The following ANKRD52 variants were observed in gnomAD, a reference collection of about 807,000 sequenced individuals.
ANKRD52 encodes serine/threonine-protein phosphatase 6 regulatory ankyrin repeat subunit C.
In ANKRD52, 7 loss-of-function variants were observed where a neutral mutation model predicts 116.0. That is an observed-to-expected ratio of 0.06 (90% CI 0.03 to 0.11). The LOEUF is 0.11. ANKRD52 is among the 10% of genes least tolerant of loss of function. The pLI, the probability that ANKRD52 is intolerant of heterozygous loss-of-function variation, is 1.00. For missense variants in ANKRD52, 839 were observed against 1,408.6 expected (o/e 0.60, Z 6.47); for synonymous variants, 528 against 578.1 (o/e 0.91, Z 1.24).
In ANKRD52 at chr12:56,255,731, G is replaced by A; in HGVS notation, c.462+53C>T. 6.7e-7 allele frequency: 1 copy of A among 1,496,958 alleles called. No homozygotes were observed. Among genetic ancestry groups the A allele is most frequent in the South Asian group, 1.2e-5 (1 of 82,226 alleles). 92.7% of individuals were successfully genotyped at this position (1,496,958 alleles called of 1,614,324 possible). ...CCCAGAAGCAGGGAAACGTGAGTAG[G>A]AAGGTAAGAAAAGGGAAAGCCCCAG... is the stretch of plus-strand genomic sequence containing the variant. On this transcript the variant is annotated intron_variant, in intron 5 of 27. Coordinates refer to ENST00000267116, the MANE Select transcript of ANKRD52 (RefSeq NM_173595.4). This position sits in a 1 kb window ranked among gnomAD's most constrained non-coding sequence, Gnocchi z 4.3.
At chr12:56,250,272 A>AG (rs1222444048) in intron 15 of ANKRD52, among the ~76,000 whole-genome samples, 1 of 151,618 alleles carries the variant, frequency 6.6e-6, no homozygotes, top group Non-Finnish European at 1.5e-5. Context: ...ATTATGTGTT[A>AG]GCCAGGCTGG....
Position 56,258,358 on chromosome 12 carries a change from C to A in ANKRD52, c.-89G>T, listed in dbSNP as rs892194008. The A allele has an allele frequency of 7.5e-5, 101 of 1,352,538 alleles. 2 individuals are homozygous for A. The South Asian group carries it at 1.1e-3, about 15-fold the overall frequency. The allele number at this position is 1,352,538 out of a possible 1,614,324, so 83.8% of individuals were successfully genotyped here. A position where few individuals can be genotyped will look rare whatever the true frequency, so the allele number is the denominator to read the frequency against. On this transcript the variant is annotated 5_prime_UTR_variant, in exon 1 of 28. Transcript: ENST00000267116. ...CACGGAGCGGCCCAGGCGGCGGCTGCGGTGGCGGCTGCAGGGAGAGCGCGG... is the reference window on the plus strand; with the variant it reads ...CACGGAGCGGCCCAGGCGGCGGCTGAGGTGGCGGCTGCAGGGAGAGCGCGG...
rs1181857966 is a variant in ANKRD52 at position 56,243,549 on chromosome 12, GC to G, written c.2981-158del. On this transcript the variant is annotated intron_variant, in intron 27 of 27. Coordinates refer to ENST00000267116, the MANE Select transcript of ANKRD52 (RefSeq NM_173595.4). This position sits in a 1 kb window ranked among gnomAD's most constrained non-coding sequence, Gnocchi z 4.6. ...GACGAGGGCCCAGGAAGGCTGACAG[GC>G]AGATTCTCTAAGTACGGGTTAAAGG... is the stretch of plus-strand genomic sequence containing the variant. Among the ~76,000 whole-genome samples, 5 of 152,186 alleles carry G rather than the reference GC, an allele frequency of 3.3e-5. No homozygotes were observed. The highest frequency in any genetic ancestry group is 2.9e-5 in the Non-Finnish European group (2 of 68,014).
At position 56,247,614 on chromosome 12, in the gene ANKRD52, C is replaced by G. The variant is rs770548621; in HGVS notation, c.2067-4G>C. 1 of 1,590,042 alleles carries G rather than the reference C, an allele frequency of 6.3e-7. No individual in the cohort carries two copies. The highest frequency in any genetic ancestry group is 2.3e-5 in the East Asian group (1 of 43,984). ...GATGGCCAGCATCAGTGGGGTCCTA[C>G]AGAAGGGCAGGAGGAGGAGTGAGGA... On this transcript the variant is annotated splice_region_variant and splice_polypyrimidine_tract_variant and intron_variant, in intron 19 of 27. Coordinates refer to ENST00000267116, the MANE Select transcript of ANKRD52 (RefSeq NM_173595.4).
In ANKRD52 at chr12:56,242,896, G is replaced by C; in HGVS notation, c.*246C>G. 1 of 500,184 alleles carries C rather than the reference G, an allele frequency of 2.0e-6. No homozygotes were observed. The highest frequency in any genetic ancestry group is 3.5e-6 in the Non-Finnish European group (1 of 285,436). 31.0% of individuals were successfully genotyped at this position (500,184 alleles called of 1,614,324 possible). ...AGCCAGGCATTTAGCAATCATTTTG[G>C]GACACTTGGCAGAAGGGGTCGCCCT... is the stretch of plus-strand genomic sequence containing the variant. On this transcript the variant is annotated 3_prime_UTR_variant, in exon 28 of 28. Coordinates refer to ENST00000267116, the MANE Select transcript of ANKRD52 (RefSeq NM_173595.4). The surrounding 1 kb of genome is among the most constrained non-coding windows in gnomAD (Gnocchi z 4.3).
rs1872024444 is a variant in ANKRD52, at chr12:56,257,698, C to T, written c.111+130G>A. The T allele has an allele frequency of 5.6e-6, 5 of 896,880 alleles. No homozygotes were observed. In the Admixed American group the frequency reaches 9.0e-5, roughly 16 times the overall value. The allele number at this position is 896,880 out of a possible 1,614,324, so 55.6% of individuals were successfully genotyped here. On this transcript the variant is annotated intron_variant, in intron 2 of 27. Transcript: ENST00000267116. ...CATCCCCAAATGCAGAGTAGGCTTTCACTCCAGGATGGAAAGAACTGCGGC... is the reference window on the plus strand; with the variant it reads ...CATCCCCAAATGCAGAGTAGGCTTTTACTCCAGGATGGAAAGAACTGCGGC...
At chr12:56,257,968 G>A in intron 1 of ANKRD52, 57 bp from the exon 2 acceptor site, 1 of 1,491,222 alleles carries the variant, frequency 6.7e-7, no homozygotes, top group Admixed American at 1.8e-5. Context: ...AACCGGTGTG[G>A]GGGTGGGGGT....
chr12:56,254,209 G>C lies in ANKRD52; in HGVS notation c.764C>G (p.Ala255Gly), dbSNP rs1424205361. 6.2e-7 allele frequency: 1 copy of C among 1,613,820 alleles called. No homozygotes were observed. The highest frequency in any genetic ancestry group is 1.7e-5 in the Admixed American group (1 of 59,988). ...GGCTCCGGCATTCACCAGCTCAATA[G>C]CCACAGCATCCTGGCCCAGGTAGCA... ...IACYLGQDAVAIELVNAGANV... is the reference protein window; with the variant it reads ...IACYLGQDAVGIELVNAGANV... Residue 255 changes from alanine to glycine, a missense_variant, in exon 8 of 28, where the codon GCT becomes GGT. Physicochemically the swap from Ala to Gly is moderately conservative, Grantham distance 60. This residue lies in a region of ANKRD52 where 287 missense variants were observed against 598.1 expected (regional missense o/e 0.48). Coordinates refer to ENST00000267116, the MANE Select transcript of ANKRD52 (RefSeq NM_173595.4). This position sits in a 1 kb window ranked among gnomAD's most constrained non-coding sequence, Gnocchi z 4.6.
rs1871286810 is a variant in ANKRD52, at chr12:56,244,109, T to A, written c.2830A>T (p.Ile944Phe). The change falls in exon 26 of 28, where the codon ATC (isoleucine) becomes TTC (phenylalanine). Residue 944 changes from isoleucine to phenylalanine, a missense_variant. Physicochemically the swap from Ile to Phe is conservative, Grantham distance 21. Transcript: ENST00000267116. This position sits in a 1 kb window ranked among gnomAD's most constrained non-coding sequence, Gnocchi z 4.9. ...CCAAGGTCTTGGGTTTCTGCCAGGA[T>A]CATGAGGGCACATTTCTCATGGCCC... is the stretch of plus-strand genomic sequence containing the variant. Reference protein sequence around the residue: ...SKGHEKCALMILAETQDLGLI... With the variant: ...SKGHEKCALMFLAETQDLGLI... 1 of 1,613,786 alleles carries A rather than the reference T, an allele frequency of 6.2e-7. No individual in the cohort carries two copies. The highest frequency in any genetic ancestry group is 1.1e-5 in the South Asian group (1 of 91,082).
At position 56,254,207 on chromosome 12, in the gene ANKRD52, T is replaced by A; in HGVS notation, c.766A>T (p.Ile256Phe). ...ACYLGQDAVA[I>F]ELVNAGANVN... ...TTGGCTCCGGCATTCACCAGCTCAA[T>A]AGCCACAGCATCCTGGCCCAGGTAG... The change falls in exon 8 of 28, where the codon ATT becomes TTT. Residue 256 changes from isoleucine (I) to phenylalanine (F), a missense_variant. Coordinates refer to ENST00000267116, the MANE Select transcript of ANKRD52 (RefSeq NM_173595.4). This position sits in a 1 kb window ranked among gnomAD's most constrained non-coding sequence, Gnocchi z 4.6. The A allele has an allele frequency of 6.2e-7, 1 of 1,613,970 alleles. No individual in the cohort carries two copies. Among genetic ancestry groups the A allele is most frequent in the South Asian group, 1.1e-5 (1 of 91,076 alleles).
rs1871019013 is a variant in ANKRD52, at chr12:56,238,405, A to C, written c.*4737T>G. On this transcript the variant is annotated 3_prime_UTR_variant, in exon 28 of 28. Coordinates refer to ENST00000267116, the MANE Select transcript of ANKRD52 (RefSeq NM_173595.4). ...GGTTCACACACACATAGATGCCCAC[A>C]GCGGGTACCAGACGGAGAACACCCC... 1 of 152,376 alleles carries C rather than the reference A, an allele frequency of 6.6e-6. No homozygotes were observed. Among genetic ancestry groups the C allele is most frequent in the African/African-American group, 2.4e-5 (1 of 41,422 alleles). 9.4% of individuals were successfully genotyped at this position (152,376 alleles called of 1,614,324 possible). A position where few individuals can be genotyped will look rare whatever the true frequency, so the allele number is the denominator to read the frequency against.
Position 56,243,504 on chromosome 12 carries a change from C to A in ANKRD52, c.2981-112G>T. 2 of 1,428,342 alleles carry A rather than the reference C, an allele frequency of 1.4e-6. No homozygotes were observed. The highest frequency in any genetic ancestry group is 1.9e-6 in the Non-Finnish European group (2 of 1,067,108). 88.5% of individuals were successfully genotyped at this position (1,428,342 alleles called of 1,614,324 possible). A position where few individuals can be genotyped will look rare whatever the true frequency, so the allele number is the denominator to read the frequency against. ...GGAGCCAAGGCAGGCAGGTACCCAG[C>A]AGCGGCAGAATCCAAGGGTGACGAG... On this transcript the variant is annotated intron_variant, in intron 27 of 27. Coordinates refer to ENST00000267116, the MANE Select transcript of ANKRD52 (RefSeq NM_173595.4). The surrounding 1 kb of genome is among the most constrained non-coding windows in gnomAD (Gnocchi z 4.6).
At position 56,253,261 on chromosome 12, in the gene ANKRD52, A is replaced by C. The variant is rs1871788587; in HGVS notation, c.1100+27T>G. The C allele has an allele frequency of 6.3e-7, 1 of 1,597,808 alleles. No individual in the cohort carries two copies. The highest frequency in any genetic ancestry group is 2.2e-5 in the East Asian group (1 of 44,768). On this transcript the variant is annotated intron_variant, in intron 10 of 27. Transcript: ENST00000267116. This position sits in a 1 kb window ranked among gnomAD's most constrained non-coding sequence, Gnocchi z 5.5. ...CAGTCTGTGCAGATCTGGGCAGCCCAGAAGTGGAGTCGGGGCCCTGACTCA... is the reference window on the plus strand; with the variant it reads ...CAGTCTGTGCAGATCTGGGCAGCCCCGAAGTGGAGTCGGGGCCCTGACTCA...
rs1244186415 is a variant in ANKRD52 at position 56,252,194 on chromosome 12, C to T, written c.1492G>A (p.Ala498Thr). 6.8e-6 allele frequency: 11 copies of T among 1,613,836 alleles called. No homozygotes were observed. Among genetic ancestry groups the T allele is most frequent in the African/African-American group, 2.7e-5 (2 of 74,896 alleles). ...KGCSPLHYAA[A>T]SDTYRRAEPH... The stretch of plus-strand genomic sequence containing the variant: ...CCTCACCTCCTGTAAGTGTCAGAAG[C>T]GGCAGCGTAGTGGAGGGGAGAGCAG... The change falls in exon 14 of 28, where the codon GCT becomes ACT. Residue 498 changes from alanine (A) to threonine (T), a missense_variant. Ala to Thr is a moderately conservative substitution (Grantham distance 58). Transcript: ENST00000267116. This position sits in a 1 kb window ranked among gnomAD's most constrained non-coding sequence, Gnocchi z 4.7.
In ANKRD52 at chr12:56,248,039, T is replaced by C. The variant is rs751572699; in HGVS notation, c.1962A>G (p.Thr654=). The part of the protein sequence containing the change: ...ALIKERKRKW[T]PLHAAAASGH... ...GGCACTAACCAGCAGCGTGCAGGGG[T>C]GTCCACTTGCGCTTGCGCTCCTTGA... is the stretch of plus-strand genomic sequence containing the variant. Residue 654 remains threonine (T), a synonymous_variant, in exon 18 of 28, where the codon ACA becomes ACG. Coordinates refer to ENST00000267116, the MANE Select transcript of ANKRD52 (RefSeq NM_173595.4). The surrounding 1 kb of genome is among the most constrained non-coding windows in gnomAD (Gnocchi z 5.1). 1.2e-6 allele frequency: 2 copies of C among 1,604,860 alleles called. No homozygotes were observed. Among genetic ancestry groups the C allele is most frequent in the Admixed American group, 1.7e-5 (1 of 59,586 alleles).
rs1871909899 is a variant in ANKRD52, at chr12:56,255,538, C to T, written c.462+246G>A. 6.6e-6 allele frequency among the ~76,000 whole-genome samples: 1 copy of T among 152,236 alleles called. No homozygotes were observed. The highest frequency in any genetic ancestry group is 1.5e-5 in the Non-Finnish European group (1 of 68,044). On this transcript the variant is annotated intron_variant, in intron 5 of 27. Transcript: ENST00000267116. The surrounding 1 kb of genome is among the most constrained non-coding windows in gnomAD (Gnocchi z 4.3). ...TTGCAAATGTGCTGAAAGACATGGA[C>T]TCTCTTCAGAAAGGCGTGTATGCAA... is the stretch of plus-strand genomic sequence containing the variant.
Position 56,243,322 on chromosome 12 carries a change from G to A in ANKRD52, c.3051C>T (p.Thr1017=). The change falls in exon 28 of 28, where the codon ACC becomes ACT. Residue 1017 remains threonine (T), a synonymous_variant. Transcript: ENST00000267116. This position sits in a 1 kb window ranked among gnomAD's most constrained non-coding sequence, Gnocchi z 4.6. The part of the protein sequence containing the change: ...VADCLALILS[T]MKPFPPKDAV... ...CGTCCTTGGGTGGGAAAGGCTTCAT[G>A]GTGGAAAGGATCAAGGCCAGGCAGT... 1.9e-6 allele frequency: 3 copies of A among 1,614,024 alleles called. No individual in the cohort carries two copies. Among genetic ancestry groups the A allele is most frequent in the Non-Finnish European group, 2.5e-6 (3 of 1,179,880 alleles).
At position 56,243,627 on chromosome 12, in the gene ANKRD52, C is replaced by A. The variant is rs552028422; in HGVS notation, c.2980+158G>T. On this transcript the variant is annotated intron_variant, in intron 27 of 27. Transcript: ENST00000267116. The surrounding 1 kb of genome is among the most constrained non-coding windows in gnomAD (Gnocchi z 4.6). ...TGTGGAGTCCTCCTGACCCTGCAGG[C>A]TCCCCTCTGAGACTCCAGAGTACTG... Among the ~76,000 whole-genome samples, 37 of 152,322 alleles carry A rather than the reference C, an allele frequency of 2.4e-4. No homozygotes were observed. The highest frequency in any genetic ancestry group is 2.9e-5 in the Non-Finnish European group (2 of 68,018).
intron 1 of ANKRD52, 141 bp from the exon 2 acceptor site, chr12:56,258,052 T>A: frequency 2.3e-6 from 3 of 1,306,236 alleles, no homozygotes; most frequent in Non-Finnish European, 3.2e-6. Context: ...TGGAGCGAGC[T>A]CCCGCGGTGC....
Sources: gnomAD v4.1 joint callset for allele counts (sites outside exome capture counted in the v4.1 genomes callset) on GRCh38, gnomAD v4.1.1 for gene constraint, gnomAD v4.1.1 regional missense constraint, Gnocchi (gnomAD v3.1) non-coding constraint, MANE v1.5 for transcripts, NCBI Gene and HGNC (gene_info 2026-07-23, HGNC 2026-07-21) for gene names.